The following EBF1 variants were observed in gnomAD, a reference collection of about 807,000 sequenced individuals.
The protein encoded by EBF1 is transcription factor COE1.
A neutral mutation model predicts 68.4 loss-of-function variants in EBF1; 10 were observed. The ratio of observed to expected loss-of-function variants is 0.15; its 90% CI spans 0.09 to 0.25. The LOEUF (loss-of-function observed/expected upper bound fraction) is 0.25. Among genes scored for constraint, EBF1 ranks in the 10% least tolerant of loss-of-function variants. The pLI is 1.00. For missense variants in EBF1, 509 were observed against 794.4 expected, an observed-to-expected ratio of 0.64 and a Z score of 4.32; for synonymous variants, 298 against 299.8, an observed-to-expected ratio of 0.99 and a Z score of 0.06.
intron 6 of EBF1, among the ~76,000 whole-genome samples, chr5:158,970,312 G>A (rs1022618919): frequency 6.6e-6 from 1 of 152,112 alleles, no homozygotes. Flanking sequence ...AATTACACTA[G>A]CAAACCAATC....
intron 5 of EBF1, among the ~76,000 whole-genome samples, chr5:159,084,333 A>C (rs1233230166): frequency 6.6e-6 from 1 of 152,204 alleles, no homozygotes; most frequent in Admixed American, 6.5e-5. Context: ...CTAGCAATGC[A>C]GTTGAGCGCA....
chr5:158,724,945 G>A (rs956207009), intron 11 of EBF1, among the ~76,000 whole-genome samples: 4 of 152,190 alleles, frequency 2.6e-5, no homozygotes, highest in South Asian at 2.1e-4. Context: ...TAGATAGAGC[G>A]ACAGAGATGC....
intron 10 of EBF1, among the ~76,000 whole-genome samples, chr5:158,760,618 T>C (rs1464469012): frequency 2.0e-5 from 3 of 152,122 alleles, no homozygotes; most frequent in Non-Finnish European, 2.9e-5. Flanking sequence ...GCAGGACCCA[T>C]GTAACAAGGC....
intron 11 of EBF1, among the ~76,000 whole-genome samples, chr5:158,729,725 T>G (rs920688954): frequency 2.0e-5 from 3 of 152,194 alleles, no homozygotes; most frequent in African/African-American, 4.8e-5. Context: ...AGCACTTCAG[T>G]GGAAGTGAGG....
intron 7 of EBF1, among the ~76,000 whole-genome samples, chr5:158,834,371 T>C (rs1788262322): frequency 6.6e-6 from 1 of 152,124 alleles, no homozygotes; most frequent in Non-Finnish European, 1.5e-5. Context: ...ATCCCCAGCT[T>C]GCTCCCCTTC....
rs182689846 is a variant in EBF1, at chr5:159,078,197, A to G, written c.486-4733T>C. ...TGAGGACCTCTCCTTTGTTGCCACA[A>G]TGCTCTTTCCTGCCCATGTGAGTTC... On this transcript the variant is annotated intron_variant, in intron 5 of 15. Coordinates refer to ENST00000313708, the MANE Select transcript of EBF1 (RefSeq NM_024007.5). Among the ~76,000 whole-genome samples the G allele has an allele frequency of 1.6e-3, 249 of 152,288 alleles. 1 individual carries two copies. Among genetic ancestry groups the G allele is most frequent in the African/African-American group, 5.2e-3 (216 of 41,566 alleles).
intron 6 of EBF1, among the ~76,000 whole-genome samples, chr5:158,867,235 G>A (rs1796081764): frequency 6.6e-6 from 1 of 152,124 alleles, no homozygotes; most frequent in Non-Finnish European, 1.5e-5. Context: ...GTAATTAGAG[G>A]AAGGGCCTGA....
chr5:158,763,905 T>C (rs1465400851), intron 10 of EBF1, among the ~76,000 whole-genome samples: 1 of 152,188 alleles, frequency 6.6e-6, no homozygotes, highest in Non-Finnish European at 1.5e-5. Context: ...TACAAAATGT[T>C]AGGATTGGTC....
intron 15 of EBF1, among the ~76,000 whole-genome samples, chr5:158,706,306 T>C (rs953214772): frequency 6.7e-6 from 1 of 149,098 alleles, no homozygotes; most frequent in Non-Finnish European, 1.5e-5. Context: ...TGGGCAGATT[T>C]GCAAGCAAGG....
At chr5:158,717,349 G>C (rs933721843) in intron 11 of EBF1, among the ~76,000 whole-genome samples, 24 of 152,142 alleles carry the variant, frequency 1.6e-4, no homozygotes, top group Non-Finnish European at 2.4e-4. Flanking sequence ...GGAAGAGCTG[G>C]ATGTTTCATA....
intron 6 of EBF1, among the ~76,000 whole-genome samples, chr5:158,914,617 G>A (rs551721435): frequency 6.6e-6 from 1 of 152,128 alleles, no homozygotes; most frequent in East Asian, 1.9e-4. Flanking sequence ...AAGAAAAGGA[G>A]GGGGGGAAAT....
intron 4 of EBF1, among the ~76,000 whole-genome samples, chr5:159,092,724 C>T (rs1192886198): frequency 6.6e-6 from 1 of 152,166 alleles, no homozygotes; most frequent in Non-Finnish European, 1.5e-5. Flanking sequence ...AGCTGCATCT[C>T]TGATAGGAAA....
At chr5:158,877,433 T>C (rs1798015201) in intron 6 of EBF1, among the ~76,000 whole-genome samples, 1 of 144,242 alleles carries the variant, frequency 6.9e-6, no homozygotes, top group African/African-American at 2.6e-5. Flanking sequence ...CTCTCATACT[T>C]GTACCAGCGT....
chr5:158,710,474 T>C (rs1227914102), intron 14 of EBF1, among the ~76,000 whole-genome samples: 2 of 152,246 alleles, frequency 1.3e-5, no homozygotes, highest in Non-Finnish European at 2.9e-5. Flanking sequence ...ACTGAAATTA[T>C]AGATCTCTAT....
chr5:158,759,398 A>G (rs899649595), intron 10 of EBF1, among the ~76,000 whole-genome samples: 4 of 152,206 alleles, frequency 2.6e-5, no homozygotes, highest in Non-Finnish European at 5.9e-5. Context: ...CTACAATGAC[A>G]TGAATCAATG....
At chr5:158,882,464 G>A (rs1582858626) in intron 6 of EBF1, among the ~76,000 whole-genome samples, 1 of 152,270 alleles carries the variant, frequency 6.6e-6, no homozygotes, top group East Asian at 1.9e-4. Flanking sequence ...TACTCAACCA[G>A]CAAAGGGATA....
chr5:158,908,524 G>T (rs1805166348), intron 6 of EBF1, among the ~76,000 whole-genome samples: 1 of 152,030 alleles, frequency 6.6e-6, no homozygotes, highest in African/African-American at 2.4e-5. Flanking sequence ...TTTTTTTCCA[G>T]GCCCCTTAAA....
At chr5:158,790,292 G>A (rs1163078871) in intron 9 of EBF1, among the ~76,000 whole-genome samples, 1 of 152,194 alleles carries the variant, frequency 6.6e-6, no homozygotes, top group Admixed American at 6.5e-5. Context: ...GGGAAATTTT[G>A]TTCAAAGCCT....
chr5:158,701,180 C>T (rs1344131245), intron 15 of EBF1, among the ~76,000 whole-genome samples: 4 of 152,112 alleles, frequency 2.6e-5, no homozygotes, highest in Non-Finnish European at 5.9e-5. Flanking sequence ...AGTCTACTTT[C>T]GCTTTCCACC....
Sources: gnomAD v4.1 joint callset for allele counts (sites outside exome capture counted in the v4.1 genomes callset) on GRCh38, gnomAD v4.1.1 for gene constraint, MANE v1.5 for transcripts, NCBI Gene and HGNC (gene_info 2026-07-23, HGNC 2026-07-21) for gene names.